The following SLC6A7 variants were observed in gnomAD, a reference collection of about 807,000 sequenced individuals.
The protein encoded by SLC6A7 is solute carrier family 6 member 7, also known as sodium-dependent proline transporter.
In SLC6A7, 58 loss-of-function variants were observed where a neutral mutation model predicts 73.1. That is an observed-to-expected ratio of 0.79 (90% confidence interval 0.64 to 0.99). The LOEUF (loss-of-function observed/expected upper bound fraction) is 0.99, where lower values mean the gene tolerates loss of function less well. Among genes scored for constraint, SLC6A7 ranks in the 50% least tolerant of loss-of-function variants. SLC6A7 has a pLI of 0.00. For missense variants in SLC6A7, 783 were observed against 831.4 expected (o/e 0.94, Z 0.72); for synonymous variants, 338 against 338.7 (o/e 1.00, Z 0.02).
At chr5:150,208,825 G>T (rs4705429) in intron 13 of SLC6A7, among the ~76,000 whole-genome samples, 53,858 of 152,094 alleles carry the variant, frequency 0.35, 11,311 homozygotes, top group Non-Finnish European at 0.49. Context: ...CTCCGTCCAT[G>T]GAAACTGGGG....
At position 150,209,718 on chromosome 5, in the gene SLC6A7, G is replaced by A. The variant is rs1580878003; in HGVS notation, c.*103G>A. 1 of 972,388 alleles carries A rather than the reference G, an allele frequency of 1.0e-6. No individual in the cohort carries two copies. The highest frequency in any genetic ancestry group is 2.1e-5 in the Admixed American group (1 of 48,010). The allele number at this position is 972,388 out of a possible 1,614,324, so 60.2% of individuals were successfully genotyped here. ...CCCTCTGGGATTCTGAGAGGCTATG[G>A]GGGGGCCTGCCATAGGGATGCCAGT... On this transcript the variant is annotated 3_prime_UTR_variant, in exon 14 of 14. Transcript: ENST00000230671.
At chr5:150,202,772 A>G in intron 8 of SLC6A7, 69 bp downstream of exon 8, 2 of 1,541,792 alleles carry the variant, frequency 1.3e-6, no homozygotes, top group Non-Finnish European at 1.8e-6. Flanking sequence ...GGGCCAGTGG[A>G]CCAGCAAGAT....
rs946336798 is a variant in SLC6A7 at position 150,201,167 on chromosome 5, T to C, written c.802T>C (p.Trp268Arg). The change falls in exon 6 of 14, where the codon TGG (tryptophan) becomes CGG (arginine). Residue 268 changes from tryptophan (W) to arginine (R), a missense_variant. By Grantham distance (101) the Trp-to-Arg change is moderately radical. Coordinates refer to ENST00000230671, the MANE Select transcript of SLC6A7 (RefSeq NM_014228.5). Reference sequence around the variant, plus strand: ...CCGCGGAGTCACCCTCCCAGGGGCCTGGAAGGGCATCCAGTTCTATCTCAC... The same window carrying C: ...CCGCGGAGTCACCCTCCCAGGGGCCCGGAAGGGCATCCAGTTCTATCTCAC... The part of the protein sequence containing the change: ...LVRGVTLPGA[W>R]KGIQFYLTPQ... 14 of 1,613,762 alleles carry C rather than the reference T, an allele frequency of 8.7e-6. No individual in the cohort carries two copies. The highest frequency in any genetic ancestry group is 1.2e-5 in the Non-Finnish European group (14 of 1,179,810).
chr5:150,197,557 A>C (rs1753099262), intron 4 of SLC6A7, among the ~76,000 whole-genome samples: 1 of 152,200 alleles, frequency 6.6e-6, no homozygotes, highest in Admixed American at 6.5e-5. Flanking sequence ...TATATTAATA[A>C]ATTGTGCAGT....
chr5:150,199,113 G>C (rs1336123350), intron 4 of SLC6A7, 115 bp from the exon 5 acceptor site: 10 of 1,370,804 alleles, frequency 7.3e-6, no homozygotes, highest in Non-Finnish European at 9.6e-6. Context: ...GAGGGATCAA[G>C]AGGGCGTCAA....
intron 4 of SLC6A7, 84 bp from the exon 5 acceptor site, chr5:150,199,144 C>T (rs1753234611): frequency 2.7e-6 from 4 of 1,481,636 alleles, no homozygotes; most frequent in African/African-American, 1.4e-5. Flanking sequence ...GCAGTAGAGC[C>T]TTGTGGGCTG....
In SLC6A7 at chr5:150,194,885, C is replaced by T. The variant is rs775166670; in HGVS notation, c.191C>T (p.Pro64Leu). 1 of 1,614,120 alleles carries T rather than the reference C, an allele frequency of 6.2e-7. No individual in the cohort carries two copies. Among genetic ancestry groups the T allele is most frequent in the African/African-American group, 1.3e-5 (1 of 75,052 alleles). ...GGCCTGGGGAATGTCTGGCGCTTCC[C>T]CTATCGAGCGTACACCAATGGAGGA... ...CVGLGNVWRF[P>L]YRAYTNGGGA... is the part of the protein sequence containing the mutation. The change falls in exon 2 of 14, where the codon CCC becomes CTC. Residue 64 changes from proline (P) to leucine (L), a missense_variant. Transcript: ENST00000230671.
chr5:150,201,689 A>C (rs13171447), intron 6 of SLC6A7, among the ~76,000 whole-genome samples: 62,211 of 152,094 alleles, frequency 0.41, 13,570 homozygotes, highest in Non-Finnish European at 0.5. Context: ...TAGGGGATCG[A>C]AGAACAGGGA....
chr5:150,198,064 AAAG>A (rs1206343850), intron 4 of SLC6A7, among the ~76,000 whole-genome samples: 1 of 83,916 alleles, frequency 1.2e-5, no homozygotes, highest in South Asian at 3.7e-4. Context: ...AGAAAGAAAG[AAAG>A]AAAGAAAGAA....
At position 150,190,953 on chromosome 5, in the gene SLC6A7, A is replaced by G. The variant is rs551147939; in HGVS notation, c.33+593A>G. 5.9e-5 allele frequency among the ~76,000 whole-genome samples: 9 copies of G among 152,308 alleles called. No homozygotes were observed. In the East Asian group the frequency reaches 1.5e-3, roughly 26 times the overall value. On this transcript the variant is annotated intron_variant, in intron 1 of 13. Coordinates refer to ENST00000230671, the MANE Select transcript of SLC6A7 (RefSeq NM_014228.5). ...TATCGGAGGCAGGAGGATATGATCAATGAAGATGGAAGCTGGTATGGGAGA... is the reference window on the plus strand; with the variant it reads ...TATCGGAGGCAGGAGGATATGATCAGTGAAGATGGAAGCTGGTATGGGAGA...
Position 150,204,042 on chromosome 5 carries a change from A to G in SLC6A7, c.1332+4A>G. The G allele has an allele frequency of 6.2e-7, 1 of 1,612,058 alleles. No homozygotes were observed. The highest frequency in any genetic ancestry group is 8.5e-7 in the Non-Finnish European group (1 of 1,179,264). Reference sequence around the variant, plus strand: ...GGGGCTGATCCTCACCACTGATGTGAGTGGCGCTACAGGGAGGATGGCAGG... The same window carrying G: ...GGGGCTGATCCTCACCACTGATGTGGGTGGCGCTACAGGGAGGATGGCAGG... On this transcript the variant is annotated splice_donor_region_variant and intron_variant, in intron 10 of 13. Coordinates refer to ENST00000230671, the MANE Select transcript of SLC6A7 (RefSeq NM_014228.5).
chr5:150,197,283 C>T lies in SLC6A7; in HGVS notation c.584+7C>T. The stretch of plus-strand genomic sequence containing the variant: ...CCAGCGAGGAGTACTGGAGGTCAGG[C>T]AGCTGCTGGCCCCGCGGCATCTGAG... On this transcript the variant is annotated splice_region_variant and intron_variant, in intron 4 of 13. Transcript: ENST00000230671. 2 of 1,579,310 alleles carry T rather than the reference C, an allele frequency of 1.3e-6. No homozygotes were observed. Among genetic ancestry groups the T allele is most frequent in the Non-Finnish European group, 1.7e-6 (2 of 1,156,324 alleles).
Position 150,210,724 on chromosome 5 carries a change from A to G in SLC6A7, c.*1109A>G, listed in dbSNP as rs955155993. ...AGGAGCTGCTGGGAAGCTGGCCTTC[A>G]TTGTTGGTGACAGGGCAACCATGGG... On this transcript the variant is annotated 3_prime_UTR_variant, in exon 14 of 14. Coordinates refer to ENST00000230671, the MANE Select transcript of SLC6A7 (RefSeq NM_014228.5). 6.6e-6 allele frequency: 1 copy of G among 152,446 alleles called. No homozygotes were observed. Among genetic ancestry groups the G allele is most frequent in the Non-Finnish European group, 1.5e-5 (1 of 68,164 alleles). 9.4% of individuals were successfully genotyped at this position (152,446 alleles called of 1,614,324 possible).
intron 8 of SLC6A7, 38 bp downstream of exon 8, chr5:150,202,741 G>A (rs1753454184): frequency 6.2e-7 from 1 of 1,608,852 alleles, no homozygotes; most frequent in Non-Finnish European, 8.5e-7. Context: ...GTGAGCATGT[G>A]TGTTGGGTAG....
chr5:150,192,071 G>A (rs561170488), intron 1 of SLC6A7, among the ~76,000 whole-genome samples: 2 of 151,832 alleles, frequency 1.3e-5, no homozygotes, highest in South Asian at 4.2e-4. Flanking sequence ...CTCCTCTCAG[G>A]GTCCTTTCCC....
At chr5:150,202,931 C>T (rs1471325433) in intron 8 of SLC6A7, among the ~76,000 whole-genome samples, 10 of 152,066 alleles carry the variant, frequency 6.6e-5, no homozygotes, top group Admixed American at 3.3e-4. Context: ...AAAAAGTAGC[C>T]GGGCGTGGTG....
intron 1 of SLC6A7, among the ~76,000 whole-genome samples, chr5:150,190,695 C>T (rs553337801): frequency 6.6e-6 from 1 of 152,174 alleles, no homozygotes; most frequent in South Asian, 2.1e-4. Flanking sequence ...TGCTGCTCCC[C>T]GCCAGGAGCT....
chr5:150,204,693 T>C, intron 11 of SLC6A7, 62 bp downstream of exon 11: 1 of 1,414,806 alleles, frequency 7.1e-7, no homozygotes, highest in Non-Finnish European at 1.0e-6. Context: ...GAGTCTACCC[T>C]GGGGAGCCCC....
chr5:150,201,517 A>C (rs554572177), intron 6 of SLC6A7, among the ~76,000 whole-genome samples: 1 of 152,294 alleles, frequency 6.6e-6, no homozygotes, highest in Admixed American at 6.5e-5. Flanking sequence ...AGAACACTTA[A>C]CATCCACTCT....
Sources: gnomAD v4.1 joint callset for allele counts (sites outside exome capture counted in the v4.1 genomes callset) on GRCh38, gnomAD v4.1.1 for gene constraint, MANE v1.5 for transcripts, NCBI Gene and HGNC (gene_info 2026-07-23, HGNC 2026-07-21) for gene names.